Variants in CSTA observed in about 807,000 individuals in gnomAD.
CSTA encodes the protein cystatin A, also known as cystatin-A.
Under a neutral mutation model 9.2 loss-of-function variants are expected in CSTA, and 9 were observed. That is an observed-to-expected ratio of 0.97 (90% CI 0.59 to 1.70). The LOEUF (loss-of-function observed/expected upper bound fraction) is 1.70, where lower values mean the gene tolerates loss of function less well. Among genes scored for constraint, CSTA ranks in the 40% most tolerant of loss-of-function variants. The pLI, the probability that CSTA is intolerant of heterozygous loss-of-function variation, is 0.00. For missense variants in CSTA, 118 were observed against 113.1 expected (o/e 1.04, Z -0.20); for synonymous variants, 36 against 40.6 (o/e 0.89, Z 0.43).
intron 1 of CSTA, among the ~76,000 whole-genome samples, chr3:122,326,618 T>C (rs1290493327): frequency 1.3e-5 from 2 of 152,194 alleles, no homozygotes; most frequent in Non-Finnish European, 2.9e-5. Flanking sequence ...CATCACTCAT[T>C]CTTGGGGACT....
Position 122,341,701 on chromosome 3 carries a change from A to G in CSTA, c.*134A>G. The stretch of plus-strand genomic sequence containing the variant: ...TCTTCAATTATTTCTCATTTATTGT[A>G]TTAAGCAGAAATTACCTTTTCTTTC... On this transcript the variant is annotated 3_prime_UTR_variant, in exon 3 of 3. Transcript: ENST00000264474. 1 of 1,156,678 alleles carries G rather than the reference A, an allele frequency of 8.6e-7. No homozygotes were observed. 71.7% of individuals were successfully genotyped at this position (1,156,678 alleles called of 1,614,324 possible). A position where few individuals can be genotyped will look rare whatever the true frequency, so the allele number is the denominator to read the frequency against.
intron 1 of CSTA, among the ~76,000 whole-genome samples, chr3:122,333,374 G>A (rs561782087): frequency 1.3e-5 from 2 of 152,136 alleles, no homozygotes; most frequent in East Asian, 3.9e-4. Flanking sequence ...AGCTGGGAGT[G>A]GTGGCAGATG....
At chr3:122,337,750 C>T in intron 2 of CSTA, 102 bp downstream of exon 2, 1 of 891,044 alleles carries the variant, frequency 1.1e-6, no homozygotes, top group Admixed American at 1.7e-5. Flanking sequence ...TTACGGTTGT[C>T]CTAAATTAAG....
At chr3:122,340,412 C>T (rs2075259692) in intron 2 of CSTA, among the ~76,000 whole-genome samples, 1 of 152,118 alleles carries the variant, frequency 6.6e-6, no homozygotes, top group Non-Finnish European at 1.5e-5. Context: ...TCAAGCGATT[C>T]TCCTGCTTCA....
intron 2 of CSTA, chr3:122,337,915 C>T: frequency 2.4e-6 from 1 of 417,442 alleles, no homozygotes; most frequent in Non-Finnish European, 4.5e-6. Context: ...TCAGGGCATG[C>T]TGGATTTGTG....
At chr3:122,326,197 T>G (rs1022371088) in intron 1 of CSTA, among the ~76,000 whole-genome samples, 1 of 151,750 alleles carries the variant, frequency 6.6e-6, no homozygotes, top group Non-Finnish European at 1.5e-5. Flanking sequence ...TTGGGGGGTT[T>G]TGTTTTGTTT....
chr3:122,327,992 G>C (rs1479972000), intron 1 of CSTA, among the ~76,000 whole-genome samples: 2 of 152,118 alleles, frequency 1.3e-5, no homozygotes, highest in Non-Finnish European at 2.9e-5. Context: ...GTGGCAGGGA[G>C]GAAGCTGCTT....
chr3:122,337,562 G>A lies in CSTA; in HGVS notation c.82G>A (p.Glu28Lys). Residue 28 changes from glutamate to lysine, a missense_variant, in exon 2 of 3, where the codon GAA becomes AAA. By Grantham distance (56) the Glu-to-Lys change is moderately conservative. Coordinates refer to ENST00000264474, the MANE Select transcript of CSTA (RefSeq NM_005213.4). Reference protein sequence around the residue: ...EIVDKVKPQLEEKTNETYGKL... With the variant: ...EIVDKVKPQLKEKTNETYGKL... ...TTTTCTTTAGGTTAAACCACAGCTTGAAGAAAAAACAAATGAGACTTACGG... is the reference window on the plus strand; with the variant it reads ...TTTTCTTTAGGTTAAACCACAGCTTAAAGAAAAAACAAATGAGACTTACGG... 1 of 1,611,130 alleles carries A rather than the reference G, an allele frequency of 6.2e-7. No homozygotes were observed. The highest frequency in any genetic ancestry group is 8.5e-7 in the Non-Finnish European group (1 of 1,177,442).
At chr3:122,332,313 C>T (rs1343019031) in intron 1 of CSTA, among the ~76,000 whole-genome samples, 1 of 152,150 alleles carries the variant, frequency 6.6e-6, no homozygotes, top group African/African-American at 2.4e-5. Flanking sequence ...TCCTCAATGC[C>T]TTGTCCCATA....
chr3:122,326,334 A>T (rs371592369), intron 1 of CSTA, among the ~76,000 whole-genome samples: 1 of 152,074 alleles, frequency 6.6e-6, no homozygotes, highest in Non-Finnish European at 1.5e-5. Flanking sequence ...CCCATCCCTG[A>T]TATATTTTTC....
Position 122,325,251 on chromosome 3 carries a change from T to C in CSTA, c.-42T>C. 2 of 1,597,284 alleles carry C rather than the reference T, an allele frequency of 1.3e-6. No homozygotes were observed. Among genetic ancestry groups the C allele is most frequent in the Non-Finnish European group, 1.7e-6 (2 of 1,164,686 alleles). On this transcript the variant is annotated 5_prime_UTR_variant, in exon 1 of 3. Coordinates refer to ENST00000264474, the MANE Select transcript of CSTA (RefSeq NM_005213.4). ...GAGTCTCCACACTTCCCTGTTCACT[T>C]TGGTTCCAGCATCCTGTCCAGCAAA...
chr3:122,327,757 T>C (rs201841554), intron 1 of CSTA, among the ~76,000 whole-genome samples: 1 of 145,178 alleles, frequency 6.9e-6, no homozygotes, highest in Non-Finnish European at 1.5e-5. Flanking sequence ...CCTAAAAAAA[T>C]CCCCCTGAGA....
At chr3:122,333,534 A>C (rs1356981540) in intron 1 of CSTA, among the ~76,000 whole-genome samples, 1 of 127,792 alleles carries the variant, frequency 7.8e-6, no homozygotes, top group Non-Finnish European at 1.6e-5. Context: ...AAAGAAAGAA[A>C]AGAAAGAAGA....
chr3:122,331,869 T>C (rs969467174), intron 1 of CSTA, among the ~76,000 whole-genome samples: 5 of 152,186 alleles, frequency 3.3e-5, no homozygotes, highest in African/African-American at 1.2e-4. Context: ...GGTACCTTTG[T>C]GGAAGGCAAT....
intron 1 of CSTA, among the ~76,000 whole-genome samples, chr3:122,326,979 C>A (rs912800906): frequency 1.3e-5 from 2 of 152,156 alleles, no homozygotes; most frequent in Non-Finnish European, 2.9e-5. Flanking sequence ...GTGGCTCATG[C>A]CTGTAATCCC....
intron 1 of CSTA, among the ~76,000 whole-genome samples, chr3:122,329,949 G>T (rs2075194577): frequency 6.6e-6 from 1 of 152,174 alleles, no homozygotes; most frequent in Non-Finnish European, 1.5e-5. Context: ...GAGCCTTAGG[G>T]CACAATTTCC....
intron 1 of CSTA, among the ~76,000 whole-genome samples, chr3:122,329,375 G>A (rs2107665484): frequency 6.6e-6 from 1 of 152,082 alleles, no homozygotes; most frequent in East Asian, 1.9e-4. Flanking sequence ...GTGGTTCAAG[G>A]GCATCATGAC....
intron 1 of CSTA, among the ~76,000 whole-genome samples, chr3:122,333,326 C>A (rs1454496587): frequency 6.6e-6 from 1 of 152,104 alleles, no homozygotes; most frequent in South Asian, 2.1e-4. Flanking sequence ...GCCTGGCAAA[C>A]ATGGTGAAAC....
In CSTA at chr3:122,337,585, C is replaced by A. The variant is rs17589; in HGVS notation, c.105C>A (p.Tyr35Ter). Reference protein sequence around the residue: ...PQLEEKTNETYGKLEAVQYKT... With the variant: ...PQLEEKTNET ...TTGAAGAAAAAACAAATGAGACTTA[C>A]GGAAAATTGGAAGCTGTGCAGTATA... Residue 35 changes from tyrosine (Y) to a stop codon, truncating the protein, a stop_gained, in exon 2 of 3, where the codon TAC (tyrosine) becomes TAA (stop). Coordinates refer to ENST00000264474, the MANE Select transcript of CSTA (RefSeq NM_005213.4). LOFTEE classifies it high-confidence loss of function. 1.4e-5 allele frequency: 22 copies of A among 1,612,438 alleles called. No individual in the cohort carries two copies. In the Admixed American group the frequency reaches 2.0e-4, roughly 15 times the overall value.
Sources: allele counts gnomAD v4.1 joint callset (sites outside exome capture counted in the v4.1 genomes callset), GRCh38; gene constraint gnomAD v4.1.1; transcripts MANE v1.5; gene names NCBI Gene and HGNC (gene_info 2026-07-23, HGNC 2026-07-21).